Variants in BAIAP2L1 observed in about 807,000 individuals in gnomAD.
The protein encoded by BAIAP2L1 is BAR/IMD domain containing adaptor protein 2 like 1, also known as BAR/IMD domain-containing adapter protein 2-like 1.
A neutral mutation model predicts 66.3 loss-of-function variants in BAIAP2L1; 35 were observed. That is an observed-to-expected ratio of 0.53 (90% CI 0.40 to 0.70). BAIAP2L1 has a LOEUF of 0.70. Ranked by LOEUF, BAIAP2L1 falls within the 30% of genes least tolerant of loss-of-function variation. BAIAP2L1 has a pLI of 0.00. For synonymous variants in BAIAP2L1, 269 were observed against 248.7 expected (o/e 1.08, Z -0.77); for missense variants, 622 against 656.9 (o/e 0.95, Z 0.58).
chr7:98,395,129 A>AAAACC (rs563690749), intron 1 of BAIAP2L1, among the ~76,000 whole-genome samples: 181 of 151,830 alleles, frequency 1.2e-3, no homozygotes, highest in Admixed American at 2.3e-3. Flanking sequence ...AAAACAAAAC[A>AAAACC]AAACCAAAGA....
chr7:98,344,682 T>C (rs564882568), intron 3 of BAIAP2L1, among the ~76,000 whole-genome samples: 40 of 151,872 alleles, frequency 2.6e-4, no homozygotes, highest in South Asian at 1.7e-3. Context: ...ACGCCTGTAA[T>C]CCAGCACTTT....
At chr7:98,295,378 G>A (rs1388542824) in intron 12 of BAIAP2L1, among the ~76,000 whole-genome samples, 1 of 152,188 alleles carries the variant, frequency 6.6e-6, no homozygotes, top group African/African-American at 2.4e-5. Flanking sequence ...CCACTGACCT[G>A]CCTTGCACAT....
chr7:98,310,718 G>T lies in BAIAP2L1; in HGVS notation c.808-126C>A, dbSNP rs1233312150. On this transcript the variant is annotated intron_variant, in intron 8 of 13. Transcript: ENST00000005260. ...TTTATTTATTTTGAGACAGAGTCTCGCTGTGTTGCCCAGGCTGGAGTACAG... is the reference window on the plus strand; with the variant it reads ...TTTATTTATTTTGAGACAGAGTCTCTCTGTGTTGCCCAGGCTGGAGTACAG... The T allele has an allele frequency of 1.8e-5, 12 of 680,650 alleles. No homozygotes were observed. The East Asian group carries it at 4.3e-4, about 24-fold the overall frequency. The allele number at this position is 680,650 out of a possible 1,614,324, so 42.2% of individuals were successfully genotyped here.
chr7:98,341,702 A>G (rs1259025298), intron 3 of BAIAP2L1, among the ~76,000 whole-genome samples: 1 of 152,056 alleles, frequency 6.6e-6, no homozygotes, highest in East Asian at 1.9e-4. Flanking sequence ...AACGGAAATA[A>G]CAAGCATGGG....
rs1307692757 is a variant in BAIAP2L1 at position 98,304,316 on chromosome 7, G to C, written c.1302C>G (p.Ile434Met). Residue 434 changes from isoleucine to methionine, a missense_variant, in exon 12 of 14, where the codon ATC becomes ATG. By Grantham distance (10) the Ile-to-Met change is conservative. Coordinates refer to ENST00000005260, the MANE Select transcript of BAIAP2L1 (RefSeq NM_018842.5). ...AGCATTCCAAGTAGTCGGGTGGGGG[G>C]ATGACAACACTGCTATTCTCAGACA... is the stretch of plus-strand genomic sequence containing the variant. ...VNLSENSSVVIPPPDYLECLS... is the reference protein window; with the variant it reads ...VNLSENSSVVMPPPDYLECLS... 6.2e-7 allele frequency: 1 copy of C among 1,613,472 alleles called. No individual in the cohort carries two copies. The highest frequency in any genetic ancestry group is 8.5e-7 in the Non-Finnish European group (1 of 1,179,672).
chr7:98,370,423 A>G (rs1802484854), intron 1 of BAIAP2L1, among the ~76,000 whole-genome samples: 1 of 150,374 alleles, frequency 6.7e-6, no homozygotes, highest in African/African-American at 2.4e-5. Context: ...GTCAATACTG[A>G]GTTTTTAAGC....
chr7:98,362,286 T>C (rs1022688402), intron 2 of BAIAP2L1, 71 bp downstream of exon 2: 2 of 1,210,466 alleles, frequency 1.7e-6, no homozygotes, highest in African/African-American at 3.1e-5. Flanking sequence ...AATTCAATAC[T>C]AAGCATTTAA....
Position 98,315,025 on chromosome 7 carries a change from AAC to A in BAIAP2L1, c.639+433_639+434del, listed in dbSNP as rs1199727167. Among the ~76,000 whole-genome samples, 5 of 152,354 alleles carry A rather than the reference AAC, an allele frequency of 3.3e-5. No homozygotes were observed. In the South Asian group the frequency reaches 6.2e-4, roughly 19 times the overall value. On this transcript the variant is annotated intron_variant, in intron 7 of 13. Coordinates refer to ENST00000005260, the MANE Select transcript of BAIAP2L1 (RefSeq NM_018842.5). ...TAAGTTTATATGTTCAAGTTGGCCA[AAC>A]ACAGTTTCTCTGGAATCTTTTCATT... is the stretch of plus-strand genomic sequence containing the variant.
chr7:98,383,719 C>T (rs1015677714), intron 1 of BAIAP2L1, among the ~76,000 whole-genome samples: 1 of 152,146 alleles, frequency 6.6e-6, no homozygotes, highest in Non-Finnish European at 1.5e-5. Context: ...TGTGTACTTA[C>T]GTTTCATTCC....
chr7:98,376,899 A>ATTT (rs139833001), intron 1 of BAIAP2L1, among the ~76,000 whole-genome samples: 1,568 of 152,186 alleles, frequency 0.01, 30 homozygotes, highest in African/African-American at 0.036. Context: ...CTATGAAGGT[A>ATTT]TTTTGTAGAT....
intron 3 of BAIAP2L1, among the ~76,000 whole-genome samples, chr7:98,335,002 A>G (rs938984585): frequency 2.0e-5 from 3 of 150,102 alleles, no homozygotes; most frequent in Admixed American, 2.0e-4. Context: ...AAATACAAAA[A>G]AGTAGCCGGG....
intron 12 of BAIAP2L1, among the ~76,000 whole-genome samples, chr7:98,298,071 T>G (rs533595749): frequency 6.6e-6 from 1 of 151,866 alleles, no homozygotes; most frequent in African/African-American, 2.4e-5. Flanking sequence ...TCATTGTTAA[T>G]AAAAACTTAA....
chr7:98,294,732 A>G (rs887880999), intron 12 of BAIAP2L1, among the ~76,000 whole-genome samples: 1 of 152,226 alleles, frequency 6.6e-6, no homozygotes, highest in Admixed American at 6.5e-5. Flanking sequence ...TGACAAAGAA[A>G]CAGGAAATAA....
Position 98,400,905 on chromosome 7 carries a change from C to A in BAIAP2L1, c.-53G>T. 1 of 1,479,820 alleles carries A rather than the reference C, an allele frequency of 6.8e-7. No individual in the cohort carries two copies. The highest frequency in any genetic ancestry group is 1.3e-5 in the South Asian group (1 of 75,652). The allele number at this position is 1,479,820 out of a possible 1,614,324, so 91.7% of individuals were successfully genotyped here. ...GGGAGGACGCGGCTGGGCCTCGTGG[C>A]CGCCGGACTCCGGGCAGCGGGAGGG... On this transcript the variant is annotated 5_prime_UTR_variant, in exon 1 of 14. Coordinates refer to ENST00000005260, the MANE Select transcript of BAIAP2L1 (RefSeq NM_018842.5).
rs36085425 is a variant in BAIAP2L1, at chr7:98,329,713, T to TA, written c.215-9416dup. Among the ~76,000 whole-genome samples the TA allele has an allele frequency of 8.2e-3, 1,207 of 146,856 alleles. 10 individuals carry two copies. Among genetic ancestry groups the TA allele is most frequent in the African/African-American group, 0.026 (1,030 of 39,936 alleles). On this transcript the variant is annotated intron_variant, in intron 3 of 13. Coordinates refer to ENST00000005260, the MANE Select transcript of BAIAP2L1 (RefSeq NM_018842.5). ...TCTTCCTGTCTCAAGTAAAGGGATT[T>TA]AAAAAAAAAAAGACTCAGAAACTCT...
At chr7:98,358,869 G>A (rs1045558288) in intron 2 of BAIAP2L1, among the ~76,000 whole-genome samples, 4 of 152,108 alleles carry the variant, frequency 2.6e-5, no homozygotes, top group Admixed American at 6.6e-5. Flanking sequence ...CACACCTCCC[G>A]GAATTCCCAG....
chr7:98,369,308 C>A (rs542997963), intron 1 of BAIAP2L1, among the ~76,000 whole-genome samples: 1 of 152,158 alleles, frequency 6.6e-6, no homozygotes, highest in South Asian at 2.1e-4. Context: ...CGTGGTGAAA[C>A]CCCATCTCTA....
chr7:98,301,136 C>A (rs150032064), intron 12 of BAIAP2L1, among the ~76,000 whole-genome samples: 133 of 152,292 alleles, frequency 8.7e-4, no homozygotes, highest in Middle Eastern at 3.4e-3. Context: ...CACAGCCATA[C>A]CCTCACTGCC....
At position 98,312,279 on chromosome 7, in the gene BAIAP2L1, GA is replaced by G. The variant is rs574734130; in HGVS notation, c.640-16del. 1,324 of 1,592,132 alleles carry G rather than the reference GA, an allele frequency of 8.3e-4. 2 individuals carry two copies. The highest frequency in any genetic ancestry group is 6.6e-4 in the Non-Finnish European group (777 of 1,172,032). On this transcript the variant is annotated splice_polypyrimidine_tract_variant and intron_variant, in intron 7 of 13. Coordinates refer to ENST00000005260, the MANE Select transcript of BAIAP2L1 (RefSeq NM_018842.5). Reference sequence around the variant, plus strand: ...AGTTCTGCAGACTGCAAAGCCAAAAGAAGAAGACTAAAGACAAAGAAGATTG... The same window carrying G: ...AGTTCTGCAGACTGCAAAGCCAAAAGAGAAGACTAAAGACAAAGAAGATTG...
Sources: gnomAD v4.1 joint callset for allele counts (sites outside exome capture counted in the v4.1 genomes callset) on GRCh38, gnomAD v4.1.1 for gene constraint, MANE v1.5 for transcripts, NCBI Gene and HGNC (gene_info 2026-07-23, HGNC 2026-07-21) for gene names.